The following PRDM9 variants were observed in gnomAD, a reference collection of about 807,000 sequenced individuals.
PRDM9 encodes histone-lysine N-methyltransferase PRDM9.
PRDM9 carries 47 observed loss-of-function variants against 55.6 expected under a neutral mutation model. The ratio of observed to expected loss-of-function variants is 0.85; its 90% confidence interval spans 0.67 to 1.08. The LOEUF (loss-of-function observed/expected upper bound fraction) is 1.08. Among genes scored for constraint, PRDM9 ranks in the 50% least tolerant of loss-of-function variants. PRDM9 has a pLI of 0.00. For missense variants in PRDM9, 867 were observed against 1,040.3 expected, an observed-to-expected ratio of 0.83 and a Z score of 2.29; for synonymous variants, 312 against 375.7, an observed-to-expected ratio of 0.83 and a Z score of 1.96.
chr5:23,526,808 C>G lies in PRDM9; in HGVS notation c.1720C>G (p.His574Asp), dbSNP rs376222750. The G allele has an allele frequency of 6.3e-7, 1 of 1,586,470 alleles. No homozygotes were observed. The highest frequency in any genetic ancestry group is 8.6e-7 in the Non-Finnish European group (1 of 1,167,730). The change falls in exon 11 of 11, where the codon CAC becomes GAC. Residue 574 changes from histidine to aspartate, a missense_variant. Coordinates refer to ENST00000296682, the MANE Select transcript of PRDM9 (RefSeq NM_020227.4). ...ACACCTCCTCATTCACCAGAGGATACACACAGGGGAGAAGCCCTATGTCTG... is the reference window on the plus strand; with the variant it reads ...ACACCTCCTCATTCACCAGAGGATAGACACAGGGGAGAAGCCCTATGTCTG... ...KSHLLIHQRI[H>D]TGEKPYVCRE...
intron 2 of PRDM9, 113 bp from the exon 3 acceptor site, chr5:23,509,357 G>A (rs1739043227): frequency 1.3e-6 from 2 of 1,560,404 alleles, no homozygotes; most frequent in Admixed American, 3.4e-5. Flanking sequence ...AGATCTTTAT[G>A]TTTCACAGAG....
chr5:23,518,506 T>C (rs1657689023), intron 5 of PRDM9, among the ~76,000 whole-genome samples: 1 of 152,186 alleles, frequency 6.6e-6, no homozygotes, highest in African/African-American at 2.4e-5. Flanking sequence ...AAGGGAAGCT[T>C]CCAAGTAAAT....
intron 4 of PRDM9, among the ~76,000 whole-genome samples, chr5:23,514,488 C>A (rs1421928800): frequency 1.3e-5 from 2 of 151,938 alleles, no homozygotes; most frequent in African/African-American, 4.8e-5. Flanking sequence ...CACTCTGTTG[C>A]CCCAGGCTGG....
At position 23,514,838 on chromosome 5, in the gene PRDM9, A is replaced by C. The variant is rs548778884; in HGVS notation, c.302-3043A>C. Among the ~76,000 whole-genome samples, 14 of 152,306 alleles carry C rather than the reference A, an allele frequency of 9.2e-5. No homozygotes were observed. The South Asian group carries it at 2.9e-3, about 32-fold the overall frequency. ...TCCATCTTTAAATACCATCATATTG[A>C]GGTATTAAATATGCTTCAGCATATG... On this transcript the variant is annotated intron_variant, in intron 4 of 10. Transcript: ENST00000296682.
At chr5:23,508,813 C>T (rs1396528864) in intron 1 of PRDM9, 137 bp from the exon 2 acceptor site, 31 of 576,578 alleles carry the variant, frequency 5.4e-5, no homozygotes, top group South Asian at 4.2e-4. Flanking sequence ...ACCCTCAAAT[C>T]TCCCTGGGGT....
At chr5:23,513,678 G>C (rs1167988729) in intron 4 of PRDM9, among the ~76,000 whole-genome samples, 1 of 152,038 alleles carries the variant, frequency 6.6e-6, no homozygotes, top group Admixed American at 6.6e-5. Flanking sequence ...TCAGGAGTTT[G>C]AGACCAGCCT....
At chr5:23,514,588 A>G (rs1739166448) in intron 4 of PRDM9, among the ~76,000 whole-genome samples, 1 of 152,004 alleles carries the variant, frequency 6.6e-6, no homozygotes, top group Non-Finnish European at 1.5e-5. Context: ...AGCTGGGACT[A>G]CAGGGGCACA....
At chr5:23,521,230 G>A (rs1739322211) in intron 6 of PRDM9, 51 bp downstream of exon 6, 1 of 1,603,090 alleles carries the variant, frequency 6.2e-7, no homozygotes, top group Non-Finnish European at 8.5e-7. Context: ...CCTCTAGAAA[G>A]GTTGATGAGT....
At chr5:23,510,164 C>T (rs1326724142) in intron 4 of PRDM9, 137 bp downstream of exon 4, 2 of 842,628 alleles carry the variant, frequency 2.4e-6, no homozygotes, top group African/African-American at 1.7e-5. Context: ...AAGCGATTCT[C>T]CTGCCTCAGC....
intron 2 of PRDM9, 65 bp downstream of exon 2, chr5:23,509,167 C>A: frequency 6.3e-7 from 1 of 1,593,848 alleles, no homozygotes; most frequent in Non-Finnish European, 8.6e-7. Context: ...GCTGCAGACT[C>A]CTGGCCTGTA....
Position 23,526,816 on chromosome 5 carries a change from G to C in PRDM9, c.1728G>C (p.Gly576=), listed in dbSNP as rs573799326. 3 of 1,590,780 alleles carry C rather than the reference G, an allele frequency of 1.9e-6. No homozygotes were observed. Among genetic ancestry groups the C allele is most frequent in the Non-Finnish European group, 2.6e-6 (3 of 1,169,640 alleles). The change falls in exon 11 of 11, where the codon GGG becomes GGC. Residue 576 remains glycine (G), a synonymous_variant. Coordinates refer to ENST00000296682, the MANE Select transcript of PRDM9 (RefSeq NM_020227.4). ...TCATTCACCAGAGGATACACACAGGGGAGAAGCCCTATGTCTGCAGGGAGT... is the reference window on the plus strand; with the variant it reads ...TCATTCACCAGAGGATACACACAGGCGAGAAGCCCTATGTCTGCAGGGAGT... ...HLLIHQRIHT[G]EKPYVCRECG...
In PRDM9 at chr5:23,526,631, G is replaced by A; in HGVS notation, c.1543G>A (p.Gly515Arg). ...AGGGAACACAGGCAAATTATTTGTG[G>A]GGGTAGGAATCTCAAGAATTGCAAA... is the stretch of plus-strand genomic sequence containing the variant. ...NPGNTGKLFV[G>R]VGISRIAKVK... The change falls in exon 11 of 11, where the codon GGG (glycine) becomes AGG (arginine). Residue 515 changes from glycine to arginine, a missense_variant. Coordinates refer to ENST00000296682, the MANE Select transcript of PRDM9 (RefSeq NM_020227.4). The A allele has an allele frequency of 6.2e-7, 1 of 1,614,240 alleles. No homozygotes were observed.
chr5:23,510,169 C>A, intron 4 of PRDM9, 142 bp downstream of exon 4: 1 of 842,764 alleles, frequency 1.2e-6, no homozygotes. Context: ...ATTCTCCTGC[C>A]TCAGCCTCCC....
At chr5:23,513,602 C>T (rs1739142197) in intron 4 of PRDM9, among the ~76,000 whole-genome samples, 1 of 152,002 alleles carries the variant, frequency 6.6e-6, no homozygotes, top group Admixed American at 6.6e-5. Context: ...CCACTCTGGG[C>T]CAGGCATGGT....
rs532616279 is a variant in PRDM9, at chr5:23,517,702, G to A, written c.302-179G>A. 5.9e-5 allele frequency among the ~76,000 whole-genome samples: 9 copies of A among 152,240 alleles called. No individual in the cohort carries two copies. In the East Asian group the frequency reaches 9.7e-4, roughly 16 times the overall value. ...CTCACAAGGCTGAGGCAGGAGAATC[G>A]CTTGAATCCGGGAGAGGGAGGTTGC... On this transcript the variant is annotated intron_variant, in intron 4 of 10. Transcript: ENST00000296682.
At chr5:23,514,567 G>GC (rs1561017918) in intron 4 of PRDM9, among the ~76,000 whole-genome samples, 3 of 151,834 alleles carry the variant, frequency 2.0e-5, no homozygotes, top group South Asian at 2.1e-4. Flanking sequence ...TCCTGCCTCA[G>GC]CCCCCCACGT....
intron 9 of PRDM9, 83 bp downstream of exon 9, chr5:23,523,441 C>T (rs1447180963): frequency 7.0e-7 from 1 of 1,421,512 alleles, no homozygotes; most frequent in Admixed American, 1.7e-5. Context: ...TTATGCCTCC[C>T]TCAATGATTT....
rs373759108 is a variant in PRDM9 at position 23,526,209 on chromosome 5, C to G, written c.1145-24C>G. ...GTAAGGCCTGAACAAAACATCTACC[C>G]TGACCAAAAACTTCCTCTTTCAGAA... On this transcript the variant is annotated intron_variant, in intron 10 of 10. Coordinates refer to ENST00000296682, the MANE Select transcript of PRDM9 (RefSeq NM_020227.4). 1.9e-5 allele frequency: 30 copies of G among 1,607,682 alleles called. No homozygotes were observed. In the African/African-American group the frequency reaches 4.0e-4, roughly 21 times the overall value.
In PRDM9 at chr5:23,526,138, T is replaced by C. The variant is rs563290970; in HGVS notation, c.1145-95T>C. 11 of 1,415,152 alleles carry C rather than the reference T, an allele frequency of 7.8e-6. No homozygotes were observed. In the South Asian group the frequency reaches 1.2e-4, roughly 15 times the overall value. 87.7% of individuals were successfully genotyped at this position (1,415,152 alleles called of 1,614,324 possible). ...GGAAAGAGCTTGCATTGTTAACATA[T>C]GAAGAATGATTGTTTCTTCATTTGA... On this transcript the variant is annotated intron_variant, in intron 10 of 10. Coordinates refer to ENST00000296682, the MANE Select transcript of PRDM9 (RefSeq NM_020227.4).
Sources: gnomAD v4.1 joint callset for allele counts (sites outside exome capture counted in the v4.1 genomes callset) on GRCh38, gnomAD v4.1.1 for gene constraint, MANE v1.5 for transcripts, NCBI Gene and HGNC (gene_info 2026-07-23, HGNC 2026-07-21) for gene names.